The following UNC80 variants were observed in gnomAD, a reference collection of about 807,000 sequenced individuals.
UNC80 encodes the protein protein unc-80 homolog.
A neutral mutation model predicts 384.6 loss-of-function variants in UNC80; 164 were observed. The ratio of observed to expected loss-of-function variants is 0.43; its 90% CI spans 0.38 to 0.49. The LOEUF (loss-of-function observed/expected upper bound fraction) is 0.49, where lower values mean the gene tolerates loss of function less well. Among genes scored for constraint, UNC80 ranks in the 20% least tolerant of loss-of-function variants. The pLI is 0.00. For synonymous variants in UNC80, 1,486 were observed against 1,527.8 expected (o/e 0.97, Z 0.64); for missense variants, 3,330 against 4,143.0 (o/e 0.80, Z 5.39).
intron 22 of UNC80, among the ~76,000 whole-genome samples, chr2:209,862,963 G>T (rs1201870862): frequency 6.6e-6 from 1 of 152,034 alleles, no homozygotes; most frequent in Non-Finnish European, 1.5e-5. Flanking sequence ...TTTTTGCAGT[G>T]GCTGGTACCA....
At chr2:209,860,509 T>C (rs1559215239) in intron 22 of UNC80, among the ~76,000 whole-genome samples, 1 of 152,188 alleles carries the variant, frequency 6.6e-6, no homozygotes, top group Non-Finnish European at 1.5e-5. Flanking sequence ...TCTTTTTGCT[T>C]AGGATTGTCT....
intron 56 of UNC80, 133 bp from the exon 57 acceptor site, chr2:209,975,986 A>G (rs955638870): frequency 1.1e-6 from 1 of 934,546 alleles, no homozygotes; most frequent in Non-Finnish European, 1.6e-6. Context: ...AATACATACG[A>G]AGTTTTTAGA....
chr2:209,933,777 C>G, intron 38 of UNC80, 45 bp from the exon 39 acceptor site: 2 of 1,473,852 alleles, frequency 1.4e-6, no homozygotes, highest in Non-Finnish European at 1.8e-6. Flanking sequence ...AATGTGAGCT[C>G]GGGATTATTG....
intron 17 of UNC80, 94 bp downstream of exon 17, chr2:209,834,262 T>C (rs745362478): frequency 1.5e-6 from 2 of 1,350,746 alleles, no homozygotes; most frequent in Non-Finnish European, 2.0e-6. Flanking sequence ...TGCTGAAATG[T>C]CAGCATAGGA....
At chr2:209,810,259 ATC>A (rs966087119) in intron 7 of UNC80, among the ~76,000 whole-genome samples, 14 of 152,128 alleles carry the variant, frequency 9.2e-5, no homozygotes, top group Non-Finnish European at 1.9e-4. Context: ...TGCCCAATGT[ATC>A]TCCCAGAACT....
intron 29 of UNC80, among the ~76,000 whole-genome samples, chr2:209,908,279 T>TA (rs1377156514): frequency 2.0e-5 from 3 of 152,256 alleles, no homozygotes; most frequent in African/African-American, 7.2e-5. Context: ...ATTGGTTTTT[T>TA]ATGGCAGAGT....
At chr2:209,993,862 T>G (rs577685081) in intron 63 of UNC80, among the ~76,000 whole-genome samples, 1 of 152,324 alleles carries the variant, frequency 6.6e-6, no homozygotes, top group Non-Finnish European at 1.5e-5. Flanking sequence ...TGAAAATGAT[T>G]TTTCTACGTA....
chr2:209,916,007 G>A (rs574368870), intron 31 of UNC80, among the ~76,000 whole-genome samples: 2 of 152,156 alleles, frequency 1.3e-5, no homozygotes, highest in Non-Finnish European at 2.9e-5. Flanking sequence ...CAAATATTAA[G>A]TGCATATTTT....
intron 8 of UNC80, among the ~76,000 whole-genome samples, chr2:209,814,228 A>G (rs1201595210): frequency 3.3e-5 from 5 of 151,912 alleles, no homozygotes; most frequent in South Asian, 2.1e-4. Flanking sequence ...GCATAACTCA[A>G]CATTTCCAGT....
intron 58 of UNC80, 94 bp downstream of exon 58, chr2:209,977,172 A>G: frequency 8.0e-7 from 1 of 1,252,046 alleles, no homozygotes; most frequent in Non-Finnish European, 1.0e-6. Context: ...ACTTTTTGGA[A>G]CTATGAATAT....
intron 7 of UNC80, among the ~76,000 whole-genome samples, chr2:209,798,011 G>GT (rs1382331258): frequency 3.9e-5 from 6 of 151,996 alleles, no homozygotes; most frequent in Admixed American, 6.6e-5. Context: ...GGACTTGTCT[G>GT]TTTTTTTCTT....
intron 29 of UNC80, among the ~76,000 whole-genome samples, chr2:209,911,447 A>C (rs2088929817): frequency 6.6e-6 from 1 of 152,132 alleles, no homozygotes; most frequent in African/African-American, 2.4e-5. Context: ...GCCCTGATTC[A>C]CTTGTTTTGA....
chr2:209,841,722 T>C (rs1354801951), intron 20 of UNC80, among the ~76,000 whole-genome samples: 1 of 152,206 alleles, frequency 6.6e-6, no homozygotes, highest in Non-Finnish European at 1.5e-5. Flanking sequence ...TGCAAGACTA[T>C]AGCATATTTA....
chr2:209,985,968 C>A (rs2093278637), intron 61 of UNC80, among the ~76,000 whole-genome samples: 1 of 151,818 alleles, frequency 6.6e-6, no homozygotes, highest in Non-Finnish European at 1.5e-5. Flanking sequence ...TTTAACCAGA[C>A]CCATAATTCA....
chr2:209,886,443 A>T (rs35365084), intron 25 of UNC80, among the ~76,000 whole-genome samples: 16,151 of 151,998 alleles, frequency 0.11, 990 homozygotes, highest in South Asian at 0.26. Flanking sequence ...GAAAATTAAA[A>T]ATAAAAAAGA....
rs538066664 is a variant in UNC80 at position 209,820,416 on chromosome 2, C to T, written c.2068C>T (p.Pro690Ser). The stretch of plus-strand genomic sequence containing the variant: ...ATGCTTGCTTCAACTTGGTGTGGTG[C>T]CCTGTGTAGAAAAGAATAGAAAGAA... ...VECLLQLGVV[P>S]CVEKNRKKSE... The change falls in exon 13 of 65, where the codon CCC becomes TCC. Residue 690 changes from proline to serine, a missense_variant. Pro to Ser is a moderately conservative substitution (Grantham distance 74). Around this residue, in one of 8 missense-constraint regions of UNC80, gnomAD observed 937 missense variants for 1,026.8 expected, o/e 0.91. Coordinates refer to ENST00000673920, the MANE Select transcript of UNC80 (RefSeq NM_001371986.1). The T allele has an allele frequency of 6.4e-7, 1 of 1,551,662 alleles. No individual in the cohort carries two copies. The highest frequency in any genetic ancestry group is 1.4e-5 in the African/African-American group (1 of 73,090).
At chr2:209,854,201 A>G (rs2082727406) in intron 22 of UNC80, among the ~76,000 whole-genome samples, 1 of 152,170 alleles carries the variant, frequency 6.6e-6, no homozygotes, top group Non-Finnish European at 1.5e-5. Flanking sequence ...GAAATATCTT[A>G]TGATTCTCGT....
At chr2:209,868,868 A>G (rs755818962) in intron 22 of UNC80, among the ~76,000 whole-genome samples, 43 of 152,192 alleles carry the variant, frequency 2.8e-4, no homozygotes, top group Non-Finnish European at 5.1e-4. Context: ...GTTAAAATCG[A>G]TTCTTGCTTG....
At chr2:209,834,542 A>C (rs1431767423) in intron 17 of UNC80, among the ~76,000 whole-genome samples, 3 of 152,184 alleles carry the variant, frequency 2.0e-5, no homozygotes, top group Non-Finnish European at 4.4e-5. Context: ...AGTAAATTCT[A>C]CTCTAAATGT....
Sources: gnomAD v4.1 joint callset for allele counts (sites outside exome capture counted in the v4.1 genomes callset) on GRCh38, gnomAD v4.1.1 for gene constraint, gnomAD v4.1.1 regional missense constraint, MANE v1.5 for transcripts, NCBI Gene and HGNC (gene_info 2026-07-23, HGNC 2026-07-21) for gene names.